GRK4: variants seen among roughly 807,000 people sequenced by gnomAD.
GRK4 encodes G protein-coupled receptor kinase 4, also known as G protein-coupled receptor kinase 2-like.
In GRK4, 73 loss-of-function variants were observed where a neutral mutation model predicts 77.9. The ratio of observed to expected loss-of-function variants is 0.94; its 90% CI spans 0.78 to 1.14. The LOEUF (loss-of-function observed/expected upper bound fraction) is 1.14. Among genes scored for constraint, GRK4 ranks in the 50% most tolerant of loss-of-function variants. GRK4 has a pLI of 0.00. For missense variants in GRK4, 729 were observed against 700.2 expected, an observed-to-expected ratio of 1.04 and a Z score of -0.46; for synonymous variants, 257 against 254.4, an observed-to-expected ratio of 1.01 and a Z score of -0.10.
intron 13 of GRK4, among the ~76,000 whole-genome samples, chr4:3,037,063 GTGTGTGTA>G (rs1323889472): frequency 6.3e-5 from 7 of 110,568 alleles, no homozygotes; most frequent in South Asian, 6.8e-4. Context: ...GTGTGTGTGT[GTGTGTGTA>G]TGTGTGTGTG....
At position 3,038,492 on chromosome 4, in the gene GRK4, C is replaced by T. The variant is rs747364429; in HGVS notation, c.1662C>T (p.Phe554=). 1.2e-6 allele frequency: 2 copies of T among 1,613,272 alleles called. No homozygotes were observed. The highest frequency in any genetic ancestry group is 1.7e-6 in the Non-Finnish European group (2 of 1,179,862). Residue 554 remains phenylalanine, a synonymous_variant, in exon 15 of 16, where the codon TTC becomes TTT. Transcript: ENST00000398052. The part of the protein sequence containing the change: ...TPVSRPNRGF[F]YRLFRRGGCL... ...TTTCCAGACCAAACAGAGGCTTCTTCTATAGACTCTTCAGAAGAGGGGTAA... is the reference window on the plus strand; with the variant it reads ...TTTCCAGACCAAACAGAGGCTTCTTTTATAGACTCTTCAGAAGAGGGGTAA...
chr4:2,994,269 G>C (rs908795694), intron 4 of GRK4, among the ~76,000 whole-genome samples: 1 of 152,198 alleles, frequency 6.6e-6, no homozygotes, highest in Admixed American at 6.5e-5. Flanking sequence ...GGAGTGCAGT[G>C]GCACGATCTT....
At chr4:2,974,421 TGGG>T (rs1262647278) in intron 1 of GRK4, among the ~76,000 whole-genome samples, 2 of 152,252 alleles carry the variant, frequency 1.3e-5, no homozygotes, top group African/African-American at 4.8e-5. Flanking sequence ...CAGCCAGACC[TGGG>T]CTTTATATCT....
chr4:3,004,996 C>G (rs1177644840), intron 5 of GRK4, among the ~76,000 whole-genome samples: 2 of 151,988 alleles, frequency 1.3e-5, no homozygotes, highest in South Asian at 4.2e-4. Flanking sequence ...CACCAGTATC[C>G]TAGCATCCCT....
chr4:3,032,707 T>G (rs924138499), intron 12 of GRK4, among the ~76,000 whole-genome samples: 7 of 152,346 alleles, frequency 4.6e-5, no homozygotes, highest in African/African-American at 1.7e-4. Flanking sequence ...GAAATGTAGA[T>G]GAGAGTAGCT....
chr4:3,030,387 G>A (rs1266162139), intron 12 of GRK4, among the ~76,000 whole-genome samples: 2 of 151,954 alleles, frequency 1.3e-5, no homozygotes, highest in African/African-American at 4.8e-5. Flanking sequence ...AACTCTCTTT[G>A]TTACTTACTT....
chr4:3,019,902 G>A (rs1179191296), intron 9 of GRK4, 71 bp downstream of exon 9: 3 of 1,404,878 alleles, frequency 2.1e-6, no homozygotes, highest in South Asian at 1.4e-5. Context: ...GGCTTCCCTG[G>A]TTCACACTGG....
chr4:3,028,087 C>A, intron 11 of GRK4, 86 bp downstream of exon 11: 1 of 1,177,828 alleles, frequency 8.5e-7, no homozygotes, highest in Non-Finnish European at 1.3e-6. Flanking sequence ...CCTGAATGGA[C>A]CGGGGCCTCG....
chr4:3,008,229 A>G (rs1731885278), intron 6 of GRK4, among the ~76,000 whole-genome samples: 1 of 152,222 alleles, frequency 6.6e-6, no homozygotes, highest in Admixed American at 6.5e-5. Flanking sequence ...AATGGCAGGT[A>G]TCCCTGTTGG....
chr4:3,012,419 A>G (rs1211164508), intron 7 of GRK4, among the ~76,000 whole-genome samples: 1 of 152,240 alleles, frequency 6.6e-6, no homozygotes, highest in Middle Eastern at 3.2e-3. Context: ...TGGGCCCAAA[A>G]TCAAATAGAG....
At chr4:3,024,708 A>C (rs1241380315) in intron 10 of GRK4, among the ~76,000 whole-genome samples, 1 of 151,608 alleles carries the variant, frequency 6.6e-6, no homozygotes, top group African/African-American at 2.4e-5. Context: ...AAAAATACAA[A>C]AATTAGCCGG....
intron 1 of GRK4, among the ~76,000 whole-genome samples, chr4:2,979,403 CAAAAAAAAAA>C (rs144374548): frequency 1.7e-5 from 1 of 59,194 alleles, no homozygotes; most frequent in African/African-American, 6.9e-5. Context: ...GACTCTGTCT[CAAAAAAAAAA>C]AAAAAAAAAA....
At chr4:2,971,164 C>G (rs1251837452) in intron 1 of GRK4, 1 of 152,156 alleles carries the variant, frequency 6.6e-6, no homozygotes, top group Non-Finnish European at 1.5e-5. Context: ...TGCTTATTAA[C>G]ATTTATGTCA....
intron 13 of GRK4, among the ~76,000 whole-genome samples, chr4:3,036,681 G>T (rs904760152): frequency 6.6e-6 from 1 of 152,238 alleles, no homozygotes; most frequent in East Asian, 1.9e-4. Flanking sequence ...CGGGATAGGA[G>T]CTGCAGACCT....
chr4:2,977,200 T>C lies in GRK4; in HGVS notation c.53-7313T>C, dbSNP rs1721475679. Among the ~76,000 whole-genome samples the C allele has an allele frequency of 2.0e-5, 3 of 152,196 alleles. No individual in the cohort carries two copies. The South Asian group carries it at 6.2e-4, about 31-fold the overall frequency. ...TTATTGCTGCTTACAAAGCCAGCAA[T>C]TCTTGCTTGAGCTCCCTTCCCCAGC... On this transcript the variant is annotated intron_variant, in intron 1 of 15. Coordinates refer to ENST00000398052, the MANE Select transcript of GRK4 (RefSeq NM_182982.3).
chr4:3,013,684 C>G lies in GRK4; in HGVS notation c.601-4C>G, dbSNP rs745320025. ...AACCTCCTTTATTTTGCTGTTTAAA[C>G]TAGGTTTGCGCCTGTCAAGTGCGAG... On this transcript the variant is annotated splice_region_variant and splice_polypyrimidine_tract_variant and intron_variant, in intron 7 of 15. Coordinates refer to ENST00000398052, the MANE Select transcript of GRK4 (RefSeq NM_182982.3). 6.3e-6 allele frequency: 10 copies of G among 1,599,824 alleles called. No individual in the cohort carries two copies. Among genetic ancestry groups the G allele is most frequent in the Non-Finnish European group, 7.7e-6 (9 of 1,175,916 alleles).
chr4:3,035,274 T>C, intron 12 of GRK4, 112 bp from the exon 13 acceptor site: 1 of 1,045,818 alleles, frequency 9.6e-7, no homozygotes, highest in Middle Eastern at 2.8e-4. Flanking sequence ...AATGATTTGT[T>C]AGATGCACCT....
In GRK4 at chr4:3,026,275, C is replaced by T. The variant is rs563937668; in HGVS notation, c.971-1637C>T. On this transcript the variant is annotated intron_variant, in intron 10 of 15. Transcript: ENST00000398052. ...CAGCCTCGCCAGCAGACCGAGTTCT[C>T]GAACTTTGGAGTTTTTGTCAGTTTG... is the stretch of plus-strand genomic sequence containing the variant. Among the ~76,000 whole-genome samples the T allele has an allele frequency of 4.6e-5, 7 of 152,240 alleles. No individual in the cohort carries two copies. In the East Asian group the frequency reaches 1.2e-3, roughly 25 times the overall value.
chr4:3,003,112 C>A (rs1730322407), intron 4 of GRK4, among the ~76,000 whole-genome samples: 1 of 152,192 alleles, frequency 6.6e-6, no homozygotes, highest in African/African-American at 2.4e-5. Flanking sequence ...CACCATTCTA[C>A]TTTATGTCTC....
Sources: gnomAD v4.1 joint callset for allele counts (sites outside exome capture counted in the v4.1 genomes callset) on GRCh38, gnomAD v4.1.1 for gene constraint, MANE v1.5 for transcripts, NCBI Gene and HGNC (gene_info 2026-07-23, HGNC 2026-07-21) for gene names.